DAAM1: variants seen among roughly 807,000 people sequenced by gnomAD.
DAAM1 encodes the protein dishevelled associated activator of morphogenesis 1, also known as disheveled-associated activator of morphogenesis 1.
DAAM1 carries 52 observed loss-of-function variants against 130.0 expected under a neutral mutation model. That is an observed-to-expected ratio of 0.40 (90% CI 0.32 to 0.50). DAAM1 has a LOEUF of 0.50. Ranked by LOEUF, DAAM1 falls within the 20% of genes least tolerant of loss-of-function variation. DAAM1 has a pLI of 0.61. For missense variants in DAAM1, 1,134 were observed against 1,303.8 expected (o/e 0.87, Z 2.01); for synonymous variants, 452 against 444.5 (o/e 1.02, Z -0.21).
chr14:59,191,882 C>T (rs79360654), intron 1 of DAAM1, among the ~76,000 whole-genome samples: 15 of 152,184 alleles, frequency 9.9e-5, no homozygotes, highest in Admixed American at 8.5e-4. Flanking sequence ...AGAGCCGTTC[C>T]GTAAACAGGA....
intron 2 of DAAM1, among the ~76,000 whole-genome samples, chr14:59,268,277 C>T (rs1227163187): frequency 6.6e-6 from 1 of 152,196 alleles, no homozygotes; most frequent in African/African-American, 2.4e-5. Context: ...CAGTTTTTGG[C>T]TCCTGTGAAT....
rs773505954 is a variant in DAAM1, at chr14:59,331,378, C to G, written c.1730C>G (p.Pro577Arg). 3 of 1,613,110 alleles carry G rather than the reference C, an allele frequency of 1.9e-6. No homozygotes were observed. The highest frequency in any genetic ancestry group is 2.5e-6 in the Non-Finnish European group (3 of 1,179,876). Residue 577 changes from proline to arginine, a missense_variant, in exon 14 of 25, where the codon CCC becomes CGC. Coordinates refer to ENST00000360909, the MANE Select transcript of DAAM1 (RefSeq NM_001270520.2). ...PPLPPGGPPPPPGPPPLGAIM... is the reference protein window; with the variant it reads ...PPLPPGGPPPRPGPPPLGAIM... ...CTCCCTCCAGGTGGCCCTCCTCCTC[C>G]CCCAGGGCCTCCTCCCTTAGGGGCA... is the stretch of plus-strand genomic sequence containing the variant.
intron 1 of DAAM1, among the ~76,000 whole-genome samples, chr14:59,218,230 A>T (rs1407659397): frequency 6.6e-6 from 1 of 152,210 alleles, no homozygotes; most frequent in East Asian, 1.9e-4. Context: ...ACTGTAGTAG[A>T]TGGTGCAGGG....
chr14:59,314,400 T>C (rs1255280327), intron 3 of DAAM1, among the ~76,000 whole-genome samples: 3 of 152,126 alleles, frequency 2.0e-5, no homozygotes, highest in Non-Finnish European at 4.4e-5. Context: ...CAAATACGCA[T>C]AGAAATCCCT....
At chr14:59,340,810 C>G (rs1885814883) in intron 16 of DAAM1, among the ~76,000 whole-genome samples, 1 of 152,126 alleles carries the variant, frequency 6.6e-6, no homozygotes, top group Non-Finnish European at 1.5e-5. Flanking sequence ...TCAGGTTTTT[C>G]TGGGCATTTC....
intron 2 of DAAM1, among the ~76,000 whole-genome samples, chr14:59,271,672 C>T (rs1882713910): frequency 6.6e-6 from 1 of 152,158 alleles, no homozygotes; most frequent in South Asian, 2.1e-4. Flanking sequence ...TACCAGGGTA[C>T]ACATTTTGTT....
At chr14:59,321,055 C>A (rs909398083) in intron 5 of DAAM1, among the ~76,000 whole-genome samples, 1 of 152,056 alleles carries the variant, frequency 6.6e-6, no homozygotes, top group Non-Finnish European at 1.5e-5. Flanking sequence ...GTGAAAATAA[C>A]CCGTATATTG....
chr14:59,323,223 C>T lies in DAAM1; in HGVS notation c.772C>T (p.Gln258Ter), dbSNP rs1885087157. ...GTATGCCAGCGAAAGGACCCGCTTTCAGGTGGGTGTTCGCTCAGCCTTCTT... is the reference window on the plus strand; with the variant it reads ...GTATGCCAGCGAAAGGACCCGCTTTTAGGTGGGTGTTCGCTCAGCCTTCTT... Reference protein sequence around the residue: ...QKYASERTRFQTLINDLDKST... With the variant: ...QKYASERTRF The change falls in exon 6 of 25, where the codon CAG (glutamine) becomes TAG (stop). Residue 258 changes from glutamine (Q) to a stop codon, truncating the protein, a stop_gained and splice_region_variant. Coordinates refer to ENST00000360909, the MANE Select transcript of DAAM1 (RefSeq NM_001270520.2). LOFTEE classifies it high-confidence loss of function. 6.3e-7 allele frequency: 1 copy of T among 1,599,350 alleles called. No homozygotes were observed. The highest frequency in any genetic ancestry group is 1.7e-5 in the Admixed American group (1 of 58,930).
At position 59,368,675 on chromosome 14, in the gene DAAM1, G is replaced by A. The variant is rs753779506; in HGVS notation, c.3023G>A (p.Arg1008His). The A allele has an allele frequency of 4.8e-5, 78 of 1,613,276 alleles. No homozygotes were observed. Among genetic ancestry groups the A allele is most frequent in the Admixed American group, 2.3e-4 (14 of 59,956 alleles). ...CTCAAAGAACAACGTGAAAGGGAAC[G>A]TAAAATGAGAAAAGCTAAAGAGAAT... ...AQLKEQRERE[R>H]KMRKAKENSE... The change falls in exon 25 of 25, where the codon CGT becomes CAT. Residue 1008 changes from arginine to histidine, a missense_variant. Coordinates refer to ENST00000360909, the MANE Select transcript of DAAM1 (RefSeq NM_001270520.2).
intron 1 of DAAM1, among the ~76,000 whole-genome samples, chr14:59,202,811 A>G (rs1458131816): frequency 1.3e-5 from 2 of 152,160 alleles, no homozygotes; most frequent in African/African-American, 4.8e-5. Flanking sequence ...GAAGTTCTAC[A>G]ATCCCAAATG....
intron 19 of DAAM1, 73 bp from the exon 20 acceptor site, chr14:59,355,092 G>GT: frequency 6.5e-7 from 1 of 1,542,454 alleles, no homozygotes; most frequent in Non-Finnish European, 8.8e-7. Flanking sequence ...TTTAGAATGG[G>GT]TATCACTGAA....
At chr14:59,274,622 T>G (rs1171015999) in intron 2 of DAAM1, among the ~76,000 whole-genome samples, 1 of 152,186 alleles carries the variant, frequency 6.6e-6, no homozygotes, top group Non-Finnish European at 1.5e-5. Context: ...TATAACTAAT[T>G]ACTGAAGCAT....
intron 20 of DAAM1, among the ~76,000 whole-genome samples, chr14:59,358,321 A>G (rs1886562204): frequency 6.6e-6 from 1 of 152,198 alleles, no homozygotes; most frequent in South Asian, 2.1e-4. Flanking sequence ...TTTTCCATCC[A>G]GGTCAGTCAG....
intron 12 of DAAM1, 48 bp from the exon 13 acceptor site, chr14:59,330,453 A>G: frequency 6.7e-7 from 1 of 1,483,042 alleles, no homozygotes; most frequent in Non-Finnish European, 9.0e-7. Context: ...AAAATGCTTC[A>G]GCTTTGAAGA....
At chr14:59,274,380 G>A (rs954360314) in intron 2 of DAAM1, among the ~76,000 whole-genome samples, 5 of 145,632 alleles carry the variant, frequency 3.4e-5, no homozygotes, top group African/African-American at 7.7e-5. Flanking sequence ...GATGTAGAAG[G>A]AAAAGTCAGA....
intron 1 of DAAM1, among the ~76,000 whole-genome samples, chr14:59,208,099 G>T (rs1280827059): frequency 6.6e-6 from 1 of 152,276 alleles, no homozygotes; most frequent in South Asian, 2.1e-4. Flanking sequence ...CCAATTAAAT[G>T]TTGTCATAAG....
In DAAM1 at chr14:59,207,426, T is replaced by A. The variant is rs143718718; in HGVS notation, c.-38+18658T>A. Among the ~76,000 whole-genome samples, 6 of 152,306 alleles carry A rather than the reference T, an allele frequency of 3.9e-5. No homozygotes were observed. In the East Asian group the frequency reaches 1.2e-3, roughly 29 times the overall value. ...TCGATTTCAGGACCCTTTGACTCTA[T>A]TAAAAATTGAAGATCCCAAAGAGAT... On this transcript the variant is annotated intron_variant, in intron 1 of 24. Coordinates refer to ENST00000360909, the MANE Select transcript of DAAM1 (RefSeq NM_001270520.2).
At chr14:59,292,352 G>A (rs572928460) in intron 3 of DAAM1, among the ~76,000 whole-genome samples, 3 of 152,248 alleles carry the variant, frequency 2.0e-5, no homozygotes, top group South Asian at 2.1e-4. Flanking sequence ...ATGCAGCTTG[G>A]GACCTCCATT....
At chr14:59,240,055 C>T (rs1889428303) in intron 1 of DAAM1, among the ~76,000 whole-genome samples, 1 of 152,060 alleles carries the variant, frequency 6.6e-6, no homozygotes, top group South Asian at 2.1e-4. Context: ...TAAAACAAGA[C>T]ATTTGTGTTT....
Sources: gnomAD v4.1 joint callset for allele counts (sites outside exome capture counted in the v4.1 genomes callset) on GRCh38, gnomAD v4.1.1 for gene constraint, MANE v1.5 for transcripts, NCBI Gene and HGNC (gene_info 2026-07-23, HGNC 2026-07-21) for gene names.